The following CCDC88A variants were observed in gnomAD, a reference collection of about 807,000 sequenced individuals.
CCDC88A encodes the protein coiled-coil and HOOK domain protein 88A.
Under a neutral mutation model 234.3 loss-of-function variants are expected in CCDC88A, and 54 were observed. The observed-to-expected ratio is 0.23, with a 90% CI of 0.19 to 0.29. The LOEUF is 0.29. Among genes scored for constraint, CCDC88A ranks in the 10% least tolerant of loss-of-function variants. CCDC88A has a pLI of 1.00. For missense variants in CCDC88A, 1,832 were observed against 2,123.4 expected, an observed-to-expected ratio of 0.86 and a Z score of 2.70; for synonymous variants, 753 against 737.8, an observed-to-expected ratio of 1.02 and a Z score of -0.33.
chr2:55,393,289 G>GTTTTTTTTTTTTTTT (rs558827055), intron 2 of CCDC88A, among the ~76,000 whole-genome samples: 4 of 61,680 alleles, frequency 6.5e-5, no homozygotes, highest in South Asian at 7.2e-4. Flanking sequence ...GGTTTTTTGG[G>GTTTTTTTTTTTTTTT]TTTTTTTTTT....
At chr2:55,303,749 T>C (rs1681185162) in intron 25 of CCDC88A, among the ~76,000 whole-genome samples, 1 of 152,174 alleles carries the variant, frequency 6.6e-6, no homozygotes, top group African/African-American at 2.4e-5. Flanking sequence ...ATTAGAATTA[T>C]TTATGCAGGG....
At chr2:55,396,123 C>G (rs945954055) in intron 2 of CCDC88A, among the ~76,000 whole-genome samples, 1 of 151,634 alleles carries the variant, frequency 6.6e-6, no homozygotes, top group African/African-American at 2.4e-5. Context: ...TAAACAAATA[C>G]TCACTGAGTA....
At chr2:55,401,208 T>C (rs954076444) in intron 2 of CCDC88A, among the ~76,000 whole-genome samples, 36 of 151,580 alleles carry the variant, frequency 2.4e-4, no homozygotes, top group African/African-American at 7.7e-4. Context: ...GGCCAGAGAA[T>C]TGCTTCAGGC....
chr2:55,372,553 T>G (rs1412725730), intron 4 of CCDC88A, 43 bp from the exon 5 acceptor site: 1 of 905,354 alleles, frequency 1.1e-6, no homozygotes, highest in Non-Finnish European at 1.8e-6. Flanking sequence ...CTGCTATATT[T>G]TCAACTCTAT....
intron 3 of CCDC88A, among the ~76,000 whole-genome samples, chr2:55,386,415 C>T (rs1361159910): frequency 1.6e-5 from 2 of 127,088 alleles, no homozygotes; most frequent in Non-Finnish European, 3.5e-5. Flanking sequence ...GCCTGGGCAA[C>T]ATAGTGAGAC....
At chr2:55,390,299 A>G (rs1358920980) in intron 2 of CCDC88A, among the ~76,000 whole-genome samples, 1 of 152,122 alleles carries the variant, frequency 6.6e-6, no homozygotes, top group Non-Finnish European at 1.5e-5. Context: ...TTTCACCCTC[A>G]CACGTAGTTA....
At chr2:55,414,786 C>T (rs1323898095) in intron 2 of CCDC88A, among the ~76,000 whole-genome samples, 1 of 152,030 alleles carries the variant, frequency 6.6e-6, no homozygotes, top group Non-Finnish European at 1.5e-5. Flanking sequence ...AGGTTCCTGG[C>T]CAGGTGTGGT....
In CCDC88A at chr2:55,316,100, T is replaced by C; in HGVS notation, c.3761A>G (p.Tyr1254Cys). ...CGENDRLNHT[Y>C]SQLLKETEVL... ...TTCAGTCTCTTTTAAAAGTTGACTATAGGTATGATTCAGCCTATAATTAGA... is the reference window on the plus strand; with the variant it reads ...TTCAGTCTCTTTTAAAAGTTGACTACAGGTATGATTCAGCCTATAATTAGA... Residue 1254 changes from tyrosine (Y) to cysteine (C), a missense_variant, in exon 22 of 33, where the codon TAT (tyrosine) becomes TGT (cysteine). Tyr to Cys is a radical substitution (Grantham distance 194). This residue lies in a region of CCDC88A where 1,282 missense variants were observed against 1,543.6 expected (regional missense o/e 0.83). Coordinates refer to ENST00000436346, the MANE Select transcript of CCDC88A (RefSeq NM_001365480.1). The C allele has an allele frequency of 2.0e-6, 3 of 1,473,824 alleles. No homozygotes were observed. Among genetic ancestry groups the C allele is most frequent in the African/African-American group, 2.8e-5 (2 of 70,644 alleles). The allele number at this position is 1,473,824 out of a possible 1,614,324, so 91.3% of individuals were successfully genotyped here.
chr2:55,415,617 G>C (rs578262486), intron 2 of CCDC88A, among the ~76,000 whole-genome samples: 3 of 152,292 alleles, frequency 2.0e-5, no homozygotes, highest in African/African-American at 7.2e-5. Context: ...GGTAGCTAAA[G>C]TACACAGGGC....
intron 3 of CCDC88A, among the ~76,000 whole-genome samples, chr2:55,384,659 A>T (rs1420551962): frequency 3.8e-5 from 2 of 52,020 alleles, no homozygotes; most frequent in African/African-American, 3.1e-4. Flanking sequence ...ACATATATAT[A>T]TATATATATT....
intron 13 of CCDC88A, chr2:55,339,044 C>G (rs1327316221): frequency 6.5e-6 from 1 of 154,204 alleles, no homozygotes. Context: ...TCAACCTCCA[C>G]CTCCCGGGTT....
At position 55,419,814 on chromosome 2, in the gene CCDC88A, G is replaced by A. The variant is rs1168073894; in HGVS notation, c.-735C>T. 1 of 152,530 alleles carries A rather than the reference G, an allele frequency of 6.6e-6. No individual in the cohort carries two copies. Among genetic ancestry groups the A allele is most frequent in the African/African-American group, 2.4e-5 (1 of 41,414 alleles). 9.4% of individuals were successfully genotyped at this position (152,530 alleles called of 1,614,324 possible). ...GAATCCCTGGCACAAAATCACCGCC[G>A]CGCTCCAGCCTTCTCCGCCCTCTAT... On this transcript the variant is annotated 5_prime_UTR_variant, in exon 1 of 33. Transcript: ENST00000436346.
chr2:55,308,706 A>G, intron 25 of CCDC88A, 103 bp downstream of exon 25: 2 of 762,624 alleles, frequency 2.6e-6, no homozygotes, highest in Admixed American at 2.8e-5. Flanking sequence ...TTAAAAAGAA[A>G]TGCCATTCAT....
chr2:55,413,189 C>G (rs1680784084), intron 2 of CCDC88A, among the ~76,000 whole-genome samples: 1 of 152,058 alleles, frequency 6.6e-6, no homozygotes, highest in Non-Finnish European at 1.5e-5. Context: ...GCCTGGGTGA[C>G]AGAGTGAGAT....
intron 5 of CCDC88A, 38 bp downstream of exon 5, chr2:55,372,414 T>C (rs1239903480): frequency 3.1e-6 from 3 of 981,490 alleles, no homozygotes; most frequent in East Asian, 2.5e-5. Context: ...TATAAAGAGG[T>C]TGTTAAAATG....
At position 55,289,527 on chromosome 2, in the gene CCDC88A, G is replaced by C. The variant is rs1236790271; in HGVS notation, c.*1673C>G. 1 of 152,130 alleles carries C rather than the reference G, an allele frequency of 6.6e-6. No individual in the cohort carries two copies. The highest frequency in any genetic ancestry group is 1.5e-5 in the Non-Finnish European group (1 of 68,006). 9.4% of individuals were successfully genotyped at this position (152,130 alleles called of 1,614,324 possible). A position where few individuals can be genotyped will look rare whatever the true frequency, so the allele number is the denominator to read the frequency against. Reference sequence around the variant, plus strand: ...GTGCATTATTTTTGTATGTTAGTAAGAATCCTTTGTATTTCCATTTACATA... The same window carrying C: ...GTGCATTATTTTTGTATGTTAGTAACAATCCTTTGTATTTCCATTTACATA... On this transcript the variant is annotated 3_prime_UTR_variant, in exon 33 of 33. Coordinates refer to ENST00000436346, the MANE Select transcript of CCDC88A (RefSeq NM_001365480.1).
chr2:55,411,343 T>A (rs1680448799), intron 2 of CCDC88A, among the ~76,000 whole-genome samples: 1 of 152,102 alleles, frequency 6.6e-6, no homozygotes, highest in Non-Finnish European at 1.5e-5. Context: ...TACTCTCAGG[T>A]ATAACAACTA....
intron 5 of CCDC88A, among the ~76,000 whole-genome samples, chr2:55,371,962 T>C (rs1672914692): frequency 6.6e-6 from 1 of 152,234 alleles, no homozygotes; most frequent in Non-Finnish European, 1.5e-5. Context: ...GCTATTATTA[T>C]AGTCATTGAT....
At chr2:55,389,195 T>C (rs1471400744) in intron 2 of CCDC88A, among the ~76,000 whole-genome samples, 2 of 152,208 alleles carry the variant, frequency 1.3e-5, no homozygotes, top group African/African-American at 4.8e-5. Context: ...TTTGAATATA[T>C]AGTTCTATCA....
Sources: allele counts gnomAD v4.1 joint callset (sites outside exome capture counted in the v4.1 genomes callset), GRCh38; gene constraint gnomAD v4.1.1; regional missense constraint gnomAD v4.1.1; transcripts MANE v1.5; gene names NCBI Gene and HGNC (gene_info 2026-07-23, HGNC 2026-07-21).